Variants in FGD6 observed in about 807,000 individuals in gnomAD.
The protein encoded by FGD6 is FYVE, RhoGEF and PH domain-containing protein 6.
Under a neutral mutation model 149.4 loss-of-function variants are expected in FGD6, and 90 were observed. That is an observed-to-expected ratio of 0.60 (90% CI 0.51 to 0.72). The LOEUF (loss-of-function observed/expected upper bound fraction) is 0.72. Among genes scored for constraint, FGD6 ranks in the 30% least tolerant of loss-of-function variants. FGD6 has a pLI of 0.00. For missense variants in FGD6, 1,437 were observed against 1,684.8 expected, an observed-to-expected ratio of 0.85 and a Z score of 2.57; for synonymous variants, 527 against 584.0, an observed-to-expected ratio of 0.90 and a Z score of 1.41.
At chr12:95,126,353 G>A in intron 8 of FGD6, 1 of 1,554,906 alleles carries the variant, frequency 6.4e-7, no homozygotes, top group Non-Finnish European at 8.7e-7. Flanking sequence ...CTCCAGCCCA[G>A]AAAGCCCCTG....
At chr12:95,214,861 C>CTTTTTTTTT (rs1171146305) in intron 1 of FGD6, among the ~76,000 whole-genome samples, 2 of 129,216 alleles carry the variant, frequency 1.5e-5, no homozygotes, top group African/African-American at 2.9e-5. Context: ...CTCCTTTTTT[C>CTTTTTTTTT]TTTTTTTTTT....
intron 5 of FGD6, among the ~76,000 whole-genome samples, chr12:95,143,570 TCA>T (rs1879920240): frequency 6.6e-6 from 1 of 152,156 alleles, no homozygotes; most frequent in South Asian, 2.1e-4. Context: ...CATTTAATTC[TCA>T]TAGTATTATA....
chr12:95,081,652 A>G (rs1877675406), intron 20 of FGD6, 96 bp from the exon 21 acceptor site: 5 of 623,602 alleles, frequency 8.0e-6, no homozygotes, highest in Middle Eastern at 2.6e-4. Flanking sequence ...CCTCATTACC[A>G]TAACAACATA....
At chr12:95,127,452 A>G (rs1028361209) in intron 8 of FGD6, among the ~76,000 whole-genome samples, 4 of 152,116 alleles carry the variant, frequency 2.6e-5, no homozygotes, top group African/African-American at 9.7e-5. Context: ...GTTGAGGCAG[A>G]AGAATCACTT....
intron 2 of FGD6, among the ~76,000 whole-genome samples, chr12:95,207,921 G>A (rs2056701281): frequency 6.6e-6 from 1 of 152,164 alleles, no homozygotes; most frequent in African/African-American, 2.4e-5. Flanking sequence ...AAGAGAGATG[G>A]AGTAGGTATT....
At position 95,149,993 on chromosome 12, in the gene FGD6, TACACACACACAC is replaced by T. The variant is rs10652699; in HGVS notation, c.2685+2806_2685+2817del. Among the ~76,000 whole-genome samples the T allele has an allele frequency of 9.3e-3, 1,226 of 131,992 alleles. 16 individuals are homozygous for T. Among genetic ancestry groups the T allele is most frequent in the African/African-American group, 0.022 (778 of 35,132 alleles). The allele number at this position is 131,992 out of a possible 152,430, so 86.6% of individuals were successfully genotyped here. On this transcript the variant is annotated intron_variant, in intron 5 of 20. Transcript: ENST00000343958. ...ATAGTATACTATATATGCTATATAT[TACACACACACAC>T]ACACACACACACACACACACACACA...
intron 2 of FGD6, among the ~76,000 whole-genome samples, chr12:95,193,529 T>C (rs1051066446): frequency 2.2e-5 from 3 of 138,854 alleles, no homozygotes; most frequent in Non-Finnish European, 4.6e-5. Flanking sequence ...GGTTAATTCT[T>C]GTTTTTTTTT....
intron 15 of FGD6, among the ~76,000 whole-genome samples, chr12:95,093,073 T>C (rs912175697): frequency 1.3e-5 from 2 of 151,922 alleles, no homozygotes; most frequent in African/African-American, 4.8e-5. Flanking sequence ...ATACAAAAAT[T>C]AGCCGGGTGT....
intron 3 of FGD6, among the ~76,000 whole-genome samples, chr12:95,170,518 T>C (rs367710082): frequency 3.9e-5 from 6 of 151,978 alleles, no homozygotes; most frequent in African/African-American, 1.4e-4. Context: ...GATGGGTGCC[T>C]GTAATTCCAG....
At chr12:95,183,062 C>G (rs986603058) in intron 2 of FGD6, among the ~76,000 whole-genome samples, 3 of 152,244 alleles carry the variant, frequency 2.0e-5, no homozygotes, top group Non-Finnish European at 4.4e-5. Flanking sequence ...AGCACAAAAC[C>G]ATTGCGGTGC....
intron 9 of FGD6, among the ~76,000 whole-genome samples, chr12:95,110,001 T>C (rs1291733199): frequency 2.6e-5 from 4 of 152,100 alleles, no homozygotes; most frequent in African/African-American, 4.8e-5. Context: ...TTCTTTTTTT[T>C]TTTCTTGCTC....
chr12:95,095,941 G>C (rs1430697329), intron 14 of FGD6, among the ~76,000 whole-genome samples: 1 of 151,734 alleles, frequency 6.6e-6, no homozygotes, highest in Non-Finnish European at 1.5e-5. Flanking sequence ...TTGAACCAAG[G>C]AGGTGGAGGT....
In FGD6 at chr12:95,149,276, A is replaced by G. The variant is rs1343864764; in HGVS notation, c.2685+3535T>C. Among the ~76,000 whole-genome samples the G allele has an allele frequency of 4.1e-5, 2 of 48,480 alleles. 1 individual carries two copies. The highest frequency in any genetic ancestry group is 7.3e-5 in the Non-Finnish European group (2 of 27,380). 31.8% of individuals were successfully genotyped at this position (48,480 alleles called of 152,430 possible). On this transcript the variant is annotated intron_variant, in intron 5 of 20. Coordinates refer to ENST00000343958, the MANE Select transcript of FGD6 (RefSeq NM_018351.4). Reference sequence around the variant, plus strand: ...ATATATATTATATATTATATTACATATAGCATATATAATATTATATATAAT... The same window carrying G: ...ATATATATTATATATTATATTACATGTAGCATATATAATATTATATATAAT...
rs1420115796 is a variant in FGD6 at position 95,107,577 on chromosome 12, G to A, written c.3319C>T (p.Arg1107Ter). The change falls in exon 12 of 21, where the codon CGA (arginine) becomes TGA (stop). Residue 1107 changes from arginine (R) to a stop codon, truncating the protein, a stop_gained. Coordinates refer to ENST00000343958, the MANE Select transcript of FGD6 (RefSeq NM_018351.4). LOFTEE classifies it high-confidence loss of function. ...AGTCCTCTTACCAGGAAAAACATTC[G>A]AGGTTGCATCACTTTCCGAGACAGC... ...MKLSRKVMQPRMFFLFNDALL... is the reference protein window; with the variant it reads ...MKLSRKVMQP 3.1e-6 allele frequency: 5 copies of A among 1,613,856 alleles called. No homozygotes were observed. Among genetic ancestry groups the A allele is most frequent in the East Asian group, 2.2e-5 (1 of 44,878 alleles).
intron 2 of FGD6, among the ~76,000 whole-genome samples, chr12:95,174,395 A>G (rs558786651): frequency 5.3e-5 from 8 of 152,308 alleles, no homozygotes; most frequent in Admixed American, 3.9e-4. Context: ...CCCTGTTAAC[A>G]CAACACATGT....
intron 9 of FGD6, among the ~76,000 whole-genome samples, chr12:95,109,692 G>C (rs909387367): frequency 6.6e-6 from 1 of 152,080 alleles, no homozygotes; most frequent in African/African-American, 2.4e-5. Context: ...GTAAAACCTT[G>C]TTTCCACAAA....
At chr12:95,150,370 A>G (rs963011854) in intron 5 of FGD6, among the ~76,000 whole-genome samples, 1 of 150,322 alleles carries the variant, frequency 6.7e-6, no homozygotes, top group African/African-American at 2.5e-5. Flanking sequence ...TTTACATAAT[A>G]TTTTTATTGA....
intron 14 of FGD6, chr12:95,100,726 G>A (rs2136237817): frequency 1.9e-6 from 1 of 524,646 alleles, no homozygotes; most frequent in Non-Finnish European, 3.8e-6. Flanking sequence ...AACAGACAGT[G>A]CTGAGGACCA....
In FGD6 at chr12:95,092,683, T is replaced by G. The variant is rs908347938; in HGVS notation, c.3747+16A>C. The G allele has an allele frequency of 5.0e-6, 8 of 1,613,030 alleles. No individual in the cohort carries two copies. The highest frequency in any genetic ancestry group is 1.3e-5 in the African/African-American group (1 of 74,990). ...CAGTAAAGACCACAATGGAGATGGG[T>G]GTTATCATCGCCAACCTTTCCACAG... On this transcript the variant is annotated intron_variant, in intron 16 of 20. Coordinates refer to ENST00000343958, the MANE Select transcript of FGD6 (RefSeq NM_018351.4).
Sources: allele counts gnomAD v4.1 joint callset (sites outside exome capture counted in the v4.1 genomes callset), GRCh38; gene constraint gnomAD v4.1.1; transcripts MANE v1.5; gene names NCBI Gene and HGNC (gene_info 2026-07-23, HGNC 2026-07-21).